The following IGF2BP3 variants were observed in gnomAD, a reference collection of about 807,000 sequenced individuals.
IGF2BP3 encodes the protein insulin like growth factor 2 mRNA binding protein 3.
In IGF2BP3, 9 loss-of-function variants were observed where a neutral mutation model predicts 73.8. The ratio of observed to expected loss-of-function variants is 0.12; its 90% confidence interval spans 0.07 to 0.21. The LOEUF (loss-of-function observed/expected upper bound fraction) is 0.21. IGF2BP3 is among the 10% of genes least tolerant of loss of function. IGF2BP3 has a pLI of 1.00. For synonymous variants in IGF2BP3, 258 were observed against 256.7 expected, an observed-to-expected ratio of 1.01 and a Z score of -0.05; for missense variants, 542 against 714.0, an observed-to-expected ratio of 0.76 and a Z score of 2.75.
At chr7:23,378,424 G>A (rs547353761) in intron 3 of IGF2BP3, among the ~76,000 whole-genome samples, 7 of 83,120 alleles carry the variant, frequency 8.4e-5, no homozygotes, top group African/African-American at 5.4e-4. Context: ...ACAGAGTCTC[G>A]CTCTGTCTCC....
Position 23,469,757 on chromosome 7 carries a change from C to A in IGF2BP3, c.175+179G>T, listed in dbSNP as rs1283069693. Among the ~76,000 whole-genome samples the A allele has an allele frequency of 5.3e-5, 8 of 151,588 alleles. No homozygotes were observed. Among genetic ancestry groups the A allele is most frequent in the Non-Finnish European group, 1.2e-4 (8 of 67,834 alleles). ...CGGCCGGGGAAGCAGAGCCGCGGGC[C>A]GGAGTGGGAGCCGGAGCTGAGGAGA... is the stretch of plus-strand genomic sequence containing the variant. On this transcript the variant is annotated intron_variant, in intron 1 of 14. Coordinates refer to ENST00000258729, the MANE Select transcript of IGF2BP3 (RefSeq NM_006547.3). This position sits in a 1 kb window ranked among gnomAD's most constrained non-coding sequence, Gnocchi z 6.1.
At chr7:23,379,332 G>C (rs1198917240) in intron 3 of IGF2BP3, among the ~76,000 whole-genome samples, 5 of 152,178 alleles carry the variant, frequency 3.3e-5, no homozygotes, top group African/African-American at 1.2e-4. Context: ...ATCTGCTGTA[G>C]TTAAAAAACT....
chr7:23,465,278 C>CGAACATGA (rs1788539788), intron 2 of IGF2BP3, among the ~76,000 whole-genome samples: 1 of 152,236 alleles, frequency 6.6e-6, no homozygotes, highest in African/African-American at 2.4e-5. Flanking sequence ...TCAAAGTCTT[C>CGAACATGA]ATGTTCTGTA....
At chr7:23,314,165 G>A (rs1350203374) in intron 12 of IGF2BP3, among the ~76,000 whole-genome samples, 1 of 150,762 alleles carries the variant, frequency 6.6e-6, no homozygotes, top group African/African-American at 2.4e-5. Flanking sequence ...CTACAGGCAT[G>A]CAACACCACA....
chr7:23,422,397 G>T (rs759755096), intron 2 of IGF2BP3, among the ~76,000 whole-genome samples: 5 of 152,080 alleles, frequency 3.3e-5, no homozygotes, highest in Non-Finnish European at 2.9e-5. Context: ...CTTAAGGCCA[G>T]GAGTAAAATT....
chr7:23,416,344 C>T (rs1276737936), intron 3 of IGF2BP3: 4 of 152,136 alleles, frequency 2.6e-5, no homozygotes, highest in Non-Finnish European at 4.4e-5. Flanking sequence ...TTTTGTTATC[C>T]TCTTGAGTCT....
intron 3 of IGF2BP3, among the ~76,000 whole-genome samples, chr7:23,375,979 C>G (rs927102673): frequency 6.6e-6 from 1 of 152,170 alleles, no homozygotes; most frequent in Non-Finnish European, 1.5e-5. Flanking sequence ...CCGACTTATG[C>G]TATAGAATTG....
chr7:23,322,235 T>C (rs1244888898), intron 10 of IGF2BP3, among the ~76,000 whole-genome samples: 4 of 152,146 alleles, frequency 2.6e-5, no homozygotes, highest in Admixed American at 6.5e-5. Flanking sequence ...AAGGAGCTGA[T>C]GGAGCTGAAA....
At chr7:23,334,711 C>A (rs1487909251) in intron 10 of IGF2BP3, among the ~76,000 whole-genome samples, 1 of 152,204 alleles carries the variant, frequency 6.6e-6, no homozygotes, top group African/African-American at 2.4e-5. Flanking sequence ...CTCTCAACTA[C>A]GGCTTGAAAT....
At chr7:23,334,184 A>T (rs764528842) in intron 10 of IGF2BP3, among the ~76,000 whole-genome samples, 1 of 152,068 alleles carries the variant, frequency 6.6e-6, no homozygotes. Flanking sequence ...AAAAGTACAA[A>T]AATTAGCTGG....
intron 3 of IGF2BP3, among the ~76,000 whole-genome samples, chr7:23,406,652 G>A (rs1337750535): frequency 6.6e-6 from 1 of 152,154 alleles, no homozygotes; most frequent in Non-Finnish European, 1.5e-5. Context: ...CTTCCACAGT[G>A]TGGAAGGGGA....
intron 5 of IGF2BP3, among the ~76,000 whole-genome samples, chr7:23,355,545 A>G (rs114336295): frequency 6.6e-6 from 1 of 152,046 alleles, no homozygotes; most frequent in East Asian, 1.9e-4. Context: ...TCCTGTCATC[A>G]TTACTTAACT....
intron 2 of IGF2BP3, among the ~76,000 whole-genome samples, chr7:23,438,050 A>G (rs1787845552): frequency 6.6e-6 from 1 of 152,230 alleles, no homozygotes; most frequent in African/African-American, 2.4e-5. Context: ...ATTCAGGAAA[A>G]TTGTTCAATA....
At chr7:23,382,452 C>A (rs185574465) in intron 3 of IGF2BP3, among the ~76,000 whole-genome samples, 1 of 151,854 alleles carries the variant, frequency 6.6e-6, no homozygotes, top group Non-Finnish European at 1.5e-5. Context: ...GAGAAATATT[C>A]TCTCATTGTT....
rs143208021 is a variant in IGF2BP3, at chr7:23,322,871, C to T, written c.1204-3617G>A. On this transcript the variant is annotated intron_variant, in intron 10 of 14. Transcript: ENST00000258729. ...AAATCCTTTACAGGCAAGCAAATGC[C>T]GAGAGATTTTGTCACCACCAGGCCT... Among the ~76,000 whole-genome samples, 220 of 152,100 alleles carry T rather than the reference C, an allele frequency of 1.4e-3. 5 individuals carry two copies. The East Asian group carries it at 0.032, about 22-fold the overall frequency.
chr7:23,417,551 A>T (rs1787227938), intron 3 of IGF2BP3, among the ~76,000 whole-genome samples: 1 of 152,252 alleles, frequency 6.6e-6, no homozygotes, highest in Admixed American at 6.5e-5. Flanking sequence ...CTAGTACTCT[A>T]ATAATTTACT....
At chr7:23,399,817 G>A (rs892571628) in intron 3 of IGF2BP3, among the ~76,000 whole-genome samples, 2 of 152,128 alleles carry the variant, frequency 1.3e-5, no homozygotes, top group African/African-American at 2.4e-5. Flanking sequence ...GTCGGTAGAT[G>A]GGGGGTTCAG....
intron 5 of IGF2BP3, among the ~76,000 whole-genome samples, chr7:23,355,225 ATTTTTT>A (rs572013397): frequency 1.7e-4 from 20 of 119,412 alleles, no homozygotes; most frequent in African/African-American, 8.9e-4. Flanking sequence ...TTTTATTTTT[ATTTTTT>A]TTTTTTTTGA....
chr7:23,430,593 T>C (rs1787650298), intron 2 of IGF2BP3, among the ~76,000 whole-genome samples: 2 of 152,250 alleles, frequency 1.3e-5, no homozygotes, highest in South Asian at 2.1e-4. Context: ...AATATGGCTA[T>C]ACTGTAATTA....
Sources: allele counts gnomAD v4.1 joint callset (sites outside exome capture counted in the v4.1 genomes callset), GRCh38; gene constraint gnomAD v4.1.1; non-coding constraint Gnocchi (gnomAD v3.1); transcripts MANE v1.5; gene names NCBI Gene and HGNC (gene_info 2026-07-23, HGNC 2026-07-21).